The following ZAN variants were observed in gnomAD, a reference collection of about 807,000 sequenced individuals.
The protein encoded by ZAN is zonadhesin, also known as zonadhesin (gene/pseudogene).
ZAN carries 260 observed loss-of-function variants against 286.2 expected under a neutral mutation model. That is an observed-to-expected ratio of 0.91 (90% CI 0.82 to 1.01). ZAN has a LOEUF of 1.01. Ranked by LOEUF, ZAN falls within the 50% of genes least tolerant of loss-of-function variation. ZAN has a pLI of 0.00. For synonymous variants in ZAN, 1,368 were observed against 1,417.5 expected, an observed-to-expected ratio of 0.97 and a Z score of 0.79; for missense variants, 3,410 against 3,639.2, an observed-to-expected ratio of 0.94 and a Z score of 1.62.
intron 41 of ZAN, 69 bp downstream of exon 41, chr7:100,792,217 T>C: frequency 6.6e-7 from 1 of 1,507,174 alleles, no homozygotes; most frequent in East Asian, 2.4e-5. Context: ...TGGGGCCTCC[T>C]GCCCGCTTCC....
rs1807189634 is a variant in ZAN, at chr7:100,734,753, G to T, written c.53+532G>T. ...GCGGGACAGGGCTACAATGTGAGAA[G>T]GGACGGAGGAGGTGCAGAGCTGGAA... On this transcript the variant is annotated intron_variant, in intron 2 of 47. Transcript: ENST00000613979. 1.4e-5 allele frequency among the ~76,000 whole-genome samples: 2 copies of T among 141,218 alleles called. 1 individual carries two copies. The highest frequency in any genetic ancestry group is 4.4e-4 in the South Asian group (2 of 4,574). 92.6% of individuals were successfully genotyped at this position (141,218 alleles called of 152,430 possible).
At chr7:100,749,703 TATATATATACACACACACAC>T (rs1287132120) in intron 11 of ZAN, among the ~76,000 whole-genome samples, 2 of 130,794 alleles carry the variant, frequency 1.5e-5, no homozygotes, top group African/African-American at 5.5e-5. Flanking sequence ...TATACACACA[TATATATATACACACACACAC>T]ATATATATAT....
chr7:100,788,642 G>A (rs1033512612), intron 38 of ZAN, among the ~76,000 whole-genome samples: 6 of 152,146 alleles, frequency 3.9e-5, no homozygotes, highest in Non-Finnish European at 5.9e-5. Flanking sequence ...GGAGGACAGA[G>A]CGTGAGGTGT....
Position 100,751,864 on chromosome 7 carries a change from C to G in ZAN, c.1759C>G (p.Pro587Ala). The G allele has an allele frequency of 6.2e-7, 1 of 1,613,566 alleles. No individual in the cohort carries two copies. The highest frequency in any genetic ancestry group is 8.5e-7 in the Non-Finnish European group (1 of 1,179,838). Residue 587 changes from proline (P) to alanine (A), a missense_variant, in exon 14 of 48, where the codon CCC becomes GCC. Coordinates refer to ENST00000613979, the MANE Select transcript of ZAN (RefSeq NM_003386.3). ...PSVTTEKPTV[P>A]KEKPTIPTEK... The stretch of plus-strand genomic sequence containing the variant: ...TGTCACCACAGAAAAGCCCACAGTC[C>G]CCAAAGAAAAGCCCACCATTCCCAC...
chr7:100,751,883 T>G lies in ZAN; in HGVS notation c.1778T>G (p.Ile593Ser). 1 of 1,612,990 alleles carries G rather than the reference T, an allele frequency of 6.2e-7. No individual in the cohort carries two copies. The highest frequency in any genetic ancestry group is 8.5e-7 in the Non-Finnish European group (1 of 1,179,678). The change falls in exon 14 of 48, where the codon ATT becomes AGT. Residue 593 changes from isoleucine (I) to serine (S), a missense_variant. Transcript: ENST00000613979. ...ACAGTCCCCAAAGAAAAGCCCACCA[T>G]TCCCACAGAAAAACCCACCATCTCC... The part of the protein sequence containing the change: ...KPTVPKEKPT[I>S]PTEKPTISTE...
chr7:100,794,851 G>C (rs970528446), intron 44 of ZAN, among the ~76,000 whole-genome samples: 1 of 143,066 alleles, frequency 7.0e-6, no homozygotes, highest in Non-Finnish European at 1.5e-5. Context: ...AAGAAGAGAA[G>C]AGAAGGGAGG....
intron 17 of ZAN, among the ~76,000 whole-genome samples, chr7:100,758,946 G>A (rs1259138069): frequency 1.3e-5 from 2 of 151,868 alleles, no homozygotes; most frequent in Admixed American, 1.3e-4. Flanking sequence ...AAATCAGGCC[G>A]GGCTCAGTGG....
intron 37 of ZAN, 36 bp from the exon 38 acceptor site, chr7:100,787,853 C>T (rs185409684): frequency 5.7e-5 from 84 of 1,472,496 alleles, no homozygotes; most frequent in African/African-American, 1.5e-4. Context: ...TGAGCCACTG[C>T]GCCCGGCCCC....
At chr7:100,757,817 GTAA>G (rs1004320417) in intron 15 of ZAN, among the ~76,000 whole-genome samples, 7 of 149,634 alleles carry the variant, frequency 4.7e-5, no homozygotes, top group Non-Finnish European at 1.0e-4. Context: ...GCTCACGCCT[GTAA>G]TACCAGCATT....
At chr7:100,746,441 C>A in intron 7 of ZAN, 97 bp from the exon 8 acceptor site, 1 of 1,450,192 alleles carries the variant, frequency 6.9e-7, no homozygotes, top group Non-Finnish European at 9.3e-7. Context: ...TGTTGGGGAT[C>A]CCCAGAGACA....
rs546327738 is a variant in ZAN, at chr7:100,750,697, C to T, written c.1322C>T (p.Pro441Leu). The T allele has an allele frequency of 4.5e-5, 72 of 1,613,262 alleles. 1 individual carries two copies. In the South Asian group the frequency reaches 7.9e-4, roughly 18 times the overall value. The change falls in exon 12 of 48, where the codon CCC (proline) becomes CTC (leucine). Residue 441 changes from proline (P) to leucine (L), a missense_variant. Coordinates refer to ENST00000613979, the MANE Select transcript of ZAN (RefSeq NM_003386.3). ...CAGTCAGTCAGACTGGTGAGCCGGC[C>T]CTTCTGCGCCCCAGGTGACATCTGC... ...AGQSVRLVSR[P>L]FCAPGDICVE... is the part of the protein sequence containing the mutation.
intron 14 of ZAN, among the ~76,000 whole-genome samples, chr7:100,753,609 G>A (rs1466683249): frequency 6.6e-6 from 1 of 151,790 alleles, no homozygotes; most frequent in African/African-American, 2.4e-5. Flanking sequence ...GGTTGCTTGA[G>A]CTCAGGAGTT....
chr7:100,745,696 G>A (rs1299862862), intron 7 of ZAN, among the ~76,000 whole-genome samples: 1 of 151,584 alleles, frequency 6.6e-6, no homozygotes, highest in East Asian at 1.9e-4. Flanking sequence ...GACCAGCCTG[G>A]GCAACATCGT....
In ZAN at chr7:100,735,548, C is replaced by CG. The variant is rs566707975; in HGVS notation, c.54-170dup. ...TATCACTGCACTCTAGCCTGGGTGC[C>CG]GGAAAAAAAAAAAAAGAAAAGAAAA... On this transcript the variant is annotated intron_variant, in intron 2 of 47. Coordinates refer to ENST00000613979, the MANE Select transcript of ZAN (RefSeq NM_003386.3). Among the ~76,000 whole-genome samples the CG allele has an allele frequency of 2.2e-4, 26 of 116,872 alleles. 3 individuals are homozygous for CG. In the South Asian group the frequency reaches 6.7e-3, roughly 30 times the overall value. 76.7% of individuals were successfully genotyped at this position (116,872 alleles called of 152,430 possible). A position where few individuals can be genotyped will look rare whatever the true frequency, so the allele number is the denominator to read the frequency against.
In ZAN at chr7:100,769,974, G is replaced by A. The variant is rs1402914765; in HGVS notation, c.5248G>A (p.Gly1750Arg). The A allele has an allele frequency of 2.6e-6, 4 of 1,560,510 alleles. No individual in the cohort carries two copies. The highest frequency in any genetic ancestry group is 3.5e-6 in the Non-Finnish European group (4 of 1,151,758). Reference protein sequence around the residue: ...KNCAILINPQGPFSQCHQVVP... With the variant: ...KNCAILINPQRPFSQCHQVVP... ...CTGTGCGATCTTAATAAACCCTCAG[G>A]GTAAGACATGTCCCTGCTGGCCCTT... Residue 1750 changes from glycine (G) to arginine (R), a missense_variant and splice_region_variant, in exon 28 of 48, where the codon GGA (glycine) becomes AGA (arginine). Physicochemically the swap from Gly to Arg is moderately radical, Grantham distance 125. Coordinates refer to ENST00000613979, the MANE Select transcript of ZAN (RefSeq NM_003386.3).
chr7:100,775,682 A>G lies in ZAN; in HGVS notation c.6041A>G (p.Gln2014Arg). The change falls in exon 33 of 48, where the codon CAG becomes CGG. Residue 2014 changes from glutamine (Q) to arginine (R), a missense_variant. This residue lies in a region of ZAN where 1,289 missense variants were observed against 1,314.3 expected (regional missense o/e 0.98). Transcript: ENST00000613979. ...CCTCCTGTTTAGATCAACAGCAAAC[A>G]GGTCACCCTCCCCGCCATCTCCCAG... ...KGHRVLINSK[Q>R]VTLPAISQIP... 6.2e-7 allele frequency: 1 copy of G among 1,613,904 alleles called. No individual in the cohort carries two copies. The highest frequency in any genetic ancestry group is 1.6e-4 in the Middle Eastern group (1 of 6,062).
At chr7:100,792,199 T>G in intron 41 of ZAN, 51 bp downstream of exon 41, 1 of 1,530,516 alleles carries the variant, frequency 6.5e-7, no homozygotes, top group East Asian at 2.3e-5. Context: ...CCTGCTCTGG[T>G]CTTTCCCTGG....
intron 30 of ZAN, 54 bp from the exon 31 acceptor site, chr7:100,773,666 GC>G: frequency 6.3e-7 from 1 of 1,577,748 alleles, no homozygotes; most frequent in Admixed American, 1.8e-5. Flanking sequence ...TGGGGCGTTG[GC>G]CCATCTCCCA....
chr7:100,749,423 A>G lies in ZAN; in HGVS notation c.1249+953A>G, dbSNP rs367639802. On this transcript the variant is annotated intron_variant, in intron 11 of 47. Coordinates refer to ENST00000613979, the MANE Select transcript of ZAN (RefSeq NM_003386.3). ...TGGGAGGCCAAGGAGGGCGGATCAC[A>G]AGGTCAGGAGATCGAGACCATCCTG... Among the ~76,000 whole-genome samples, 123 of 150,196 alleles carry G rather than the reference A, an allele frequency of 8.2e-4. 1 individual carries two copies. In the Middle Eastern group the frequency reaches 0.01, roughly 13 times the overall value.
Sources: allele counts gnomAD v4.1 joint callset (sites outside exome capture counted in the v4.1 genomes callset), GRCh38; gene constraint gnomAD v4.1.1; regional missense constraint gnomAD v4.1.1; transcripts MANE v1.5; gene names NCBI Gene and HGNC (gene_info 2026-07-23, HGNC 2026-07-21).